Variants in PAX3 observed in about 807,000 individuals in gnomAD.
The protein encoded by PAX3 is paired box protein Pax-3.
A neutral mutation model predicts 51.6 loss-of-function variants in PAX3; 14 were observed. The ratio of observed to expected loss-of-function variants is 0.27; its 90% confidence interval spans 0.18 to 0.42. The LOEUF (loss-of-function observed/expected upper bound fraction) is 0.42, where lower values mean the gene tolerates loss of function less well. Among genes scored for constraint, PAX3 ranks in the 10% least tolerant of loss-of-function variants. PAX3 has a pLI of 1.00. For synonymous variants in PAX3, 280 were observed against 253.4 expected, an observed-to-expected ratio of 1.11 and a Z score of -1.00; for missense variants, 540 against 642.8, an observed-to-expected ratio of 0.84 and a Z score of 1.73.
At chr2:222,250,584 A>C (rs539188074) in intron 4 of PAX3, among the ~76,000 whole-genome samples, 1 of 152,340 alleles carries the variant, frequency 6.6e-6, no homozygotes, top group East Asian at 1.9e-4. Flanking sequence ...ACTGAAGTGG[A>C]AGAATTGGGG....
At chr2:222,245,429 C>G (rs1693188194) in intron 4 of PAX3, among the ~76,000 whole-genome samples, 1 of 152,220 alleles carries the variant, frequency 6.6e-6, no homozygotes, top group Admixed American at 6.5e-5. Flanking sequence ...ACCTTCTGAT[C>G]ATTTTTATTA....
intron 7 of PAX3, among the ~76,000 whole-genome samples, chr2:222,203,447 C>G (rs981559077): frequency 6.6e-6 from 1 of 152,060 alleles, no homozygotes; most frequent in African/African-American, 2.4e-5. Context: ...ATTTCCATAA[C>G]AGTCCTGTCT....
At chr2:222,236,142 A>T (rs1373817066) in intron 4 of PAX3, among the ~76,000 whole-genome samples, 1 of 152,226 alleles carries the variant, frequency 6.6e-6, no homozygotes, top group East Asian at 1.9e-4. Flanking sequence ...GCTAGGAAAA[A>T]CTAGCTATTT....
At chr2:222,266,716 C>A (rs1694067556) in intron 4 of PAX3, among the ~76,000 whole-genome samples, 1 of 152,214 alleles carries the variant, frequency 6.6e-6, no homozygotes, top group Non-Finnish European at 1.5e-5. Flanking sequence ...GAATGCCTGT[C>A]AGATCCAAGA....
At chr2:222,227,889 T>C (rs1048365911) in intron 5 of PAX3, among the ~76,000 whole-genome samples, 2 of 152,182 alleles carry the variant, frequency 1.3e-5, no homozygotes, top group Admixed American at 6.5e-5. Context: ...AAAGTTATTA[T>C]AGCTTTAGTC....
At chr2:222,244,812 T>A (rs1015885022) in intron 4 of PAX3, among the ~76,000 whole-genome samples, 1 of 151,856 alleles carries the variant, frequency 6.6e-6, no homozygotes, top group Non-Finnish European at 1.5e-5. Context: ...AGATCAAAGT[T>A]ACTCAACTTC....
Position 222,220,361 on chromosome 2 carries a change from T to C in PAX3, c.959-7A>G, listed in dbSNP as rs1463252634. On this transcript the variant is annotated splice_region_variant and splice_polypyrimidine_tract_variant and intron_variant, in intron 6 of 8. Coordinates refer to ENST00000392070, the MANE Select transcript of PAX3 (RefSeq NM_181458.4). ...CTGCTGGGATCTGACACAGCTGAAA[T>C]GAAAAAGATTGTCAACCATCATGTT... is the stretch of plus-strand genomic sequence containing the variant. 6.2e-7 allele frequency: 1 copy of C among 1,613,322 alleles called. No homozygotes were observed. Among genetic ancestry groups the C allele is most frequent in the Admixed American group, 1.7e-5 (1 of 59,996 alleles).
intron 4 of PAX3, among the ~76,000 whole-genome samples, chr2:222,249,494 G>C (rs45472298): frequency 0.12 from 17,597 of 151,806 alleles, 1,253 homozygotes; most frequent in East Asian, 0.32. Context: ...TTCTTCTCCC[G>C]TTTCAAAAAA....
rs3832105 is a variant in PAX3, at chr2:222,201,298, AC to A, written c.*109del. ...TGTCTCCTATTGGGACCACTGCCCC[AC>A]CCCCCCCAACAAAAGGGTAATTTTT... On this transcript the variant is annotated 3_prime_UTR_variant, in exon 9 of 9. Transcript: ENST00000392070. 110 of 1,597,586 alleles carry A rather than the reference AC, an allele frequency of 6.9e-5. No homozygotes were observed. The highest frequency in any genetic ancestry group is 1.7e-4 in the Middle Eastern group (1 of 6,060).
At chr2:222,256,073 T>A (rs759692654) in intron 4 of PAX3, among the ~76,000 whole-genome samples, 48 of 151,944 alleles carry the variant, frequency 3.2e-4, no homozygotes, top group Non-Finnish European at 4.4e-4. Flanking sequence ...CCAGCCCCGA[T>A]TATATTATTT....
At position 222,235,688 on chromosome 2, in the gene PAX3, C is replaced by T. The variant is rs560597605; in HGVS notation, c.587-3405G>A. On this transcript the variant is annotated intron_variant, in intron 4 of 8. Coordinates refer to ENST00000392070, the MANE Select transcript of PAX3 (RefSeq NM_181458.4). The stretch of plus-strand genomic sequence containing the variant: ...AAGGTGAGTTCAGGGAGGACAGAAA[C>T]TTCCAGTGGAGGAGAAGGGCAAAAG... Among the ~76,000 whole-genome samples, 58 of 152,192 alleles carry T rather than the reference C, an allele frequency of 3.8e-4. 1 individual carries two copies. The South Asian group carries it at 0.012, about 31-fold the overall frequency.
chr2:222,268,935 G>T (rs1574721344), intron 4 of PAX3, among the ~76,000 whole-genome samples: 1 of 152,080 alleles, frequency 6.6e-6, no homozygotes, highest in Non-Finnish European at 1.5e-5. Context: ...ACTCCTTTAT[G>T]TATATATGTT....
intron 7 of PAX3, among the ~76,000 whole-genome samples, chr2:222,215,795 A>G (rs1235271282): frequency 6.6e-6 from 1 of 152,250 alleles, no homozygotes; most frequent in Admixed American, 6.5e-5. Flanking sequence ...CCCATGCACT[A>G]TATTTTCCTC....
intron 4 of PAX3, among the ~76,000 whole-genome samples, chr2:222,233,283 T>C (rs1287939876): frequency 6.6e-6 from 1 of 152,122 alleles, no homozygotes; most frequent in Admixed American, 6.6e-5. Flanking sequence ...TATTTGCCTG[T>C]ACTCACATGT....
intron 4 of PAX3, among the ~76,000 whole-genome samples, chr2:222,239,348 A>G (rs1257893984): frequency 1.3e-5 from 2 of 150,890 alleles, no homozygotes; most frequent in South Asian, 2.1e-4. Flanking sequence ...TCAGAGAGAG[A>G]AGGAGGGGGG....
intron 4 of PAX3, among the ~76,000 whole-genome samples, chr2:222,266,733 G>A (rs182284546): frequency 2.0e-4 from 30 of 152,326 alleles, no homozygotes; most frequent in African/African-American, 6.7e-4. Flanking sequence ...AAGAAGAAAT[G>A]TATGTCCAAA....
chr2:222,218,068 T>C (rs1363376928), intron 7 of PAX3, among the ~76,000 whole-genome samples: 1 of 152,176 alleles, frequency 6.6e-6, no homozygotes, highest in African/African-American at 2.4e-5. Flanking sequence ...AAATTCCTAG[T>C]GGTGGTTTGA....
At chr2:222,235,097 A>C (rs1692749760) in intron 4 of PAX3, among the ~76,000 whole-genome samples, 1 of 152,218 alleles carries the variant, frequency 6.6e-6, no homozygotes, top group Middle Eastern at 3.2e-3. Flanking sequence ...CTTTCAAGTA[A>C]ATATGATGTG....
At chr2:222,277,056 C>T (rs939010631) in intron 4 of PAX3, among the ~76,000 whole-genome samples, 3 of 152,138 alleles carry the variant, frequency 2.0e-5, no homozygotes, top group Non-Finnish European at 2.9e-5. Flanking sequence ...CACACAGAAG[C>T]GTACCATCTC....
Sources: allele counts gnomAD v4.1 joint callset (sites outside exome capture counted in the v4.1 genomes callset), GRCh38; gene constraint gnomAD v4.1.1; transcripts MANE v1.5; gene names NCBI Gene and HGNC (gene_info 2026-07-23, HGNC 2026-07-21).